Variants in MBTPS2 observed in about 807,000 individuals in gnomAD.
The protein encoded by MBTPS2 is membrane-bound transcription factor site-2 protease.
MBTPS2 carries 2 observed loss-of-function variants against 35.4 expected under a neutral mutation model. The ratio of observed to expected loss-of-function variants is 0.06; its 90% CI spans 0.02 to 0.18. The LOEUF (loss-of-function observed/expected upper bound fraction) is 0.18, where lower values mean the gene tolerates loss of function less well. MBTPS2 is among the 10% of genes least tolerant of loss of function. The pLI, the probability that MBTPS2 is intolerant of heterozygous loss-of-function variation, is 1.00. For missense variants in MBTPS2, 244 were observed against 386.5 expected (o/e 0.63, Z 3.09); for synonymous variants, 125 against 140.4 (o/e 0.89, Z 0.77).
intron 10 of MBTPS2, among the ~76,000 whole-genome samples, chrX:21,881,756 C>A (rs1373958753): frequency 9.0e-6 from 1 of 110,602 alleles, no homozygotes; most frequent in Non-Finnish European, 1.9e-5. Context: ...ACCAATATGG[C>A]GAAACCCCAT....
Position 21,843,153 on chromosome X carries a change from TTTTC to T in MBTPS2, c.76-11_76-8del. ...TCTTCAAAATTGAGTGATGTAGAAC[TTTTC>T]TTTCTCTCTTAGTCATCTGTCTATT... On this transcript the variant is annotated splice_polypyrimidine_tract_variant and intron_variant, in intron 1 of 10. Transcript: ENST00000379484. 1 of 1,197,234 alleles carries T rather than the reference TTTTC, an allele frequency of 8.4e-7. No homozygotes were observed. The highest frequency in any genetic ancestry group is 1.1e-6 in the Non-Finnish European group (1 of 881,861).
chrX:21,853,535 C>A, intron 5 of MBTPS2, 32 bp downstream of exon 5: 1 of 1,193,667 alleles, frequency 8.4e-7, no homozygotes, highest in Admixed American at 2.2e-5. Context: ...TAATATTCAT[C>A]TGTGGTTTTG....
intron 5 of MBTPS2, among the ~76,000 whole-genome samples, chrX:21,865,816 A>T (rs773746916): frequency 8.9e-6 from 1 of 112,054 alleles, no homozygotes. Flanking sequence ...ATTATTTGCA[A>T]ACCACACTAA....
At chrX:21,848,192 G>A (rs2092910581) in intron 3 of MBTPS2, among the ~76,000 whole-genome samples, 1 of 112,389 alleles carries the variant, frequency 8.9e-6, no homozygotes, top group African/African-American at 3.2e-5. Context: ...GGCCGAGGTG[G>A]GTGGATCACC....
Position 21,884,047 on chromosome X carries a change from G to C in MBTPS2, c.*1392G>C. ...CTTTACTGAGTGATGTATTCCATGG[G>C]GTTACCTTTTTCAGATTATTGAGTT... On this transcript the variant is annotated 3_prime_UTR_variant, in exon 11 of 11. Coordinates refer to ENST00000379484, the MANE Select transcript of MBTPS2 (RefSeq NM_015884.4). The C allele has an allele frequency of 2.7e-6, 2 of 753,644 alleles. No homozygotes were observed. The highest frequency in any genetic ancestry group is 3.1e-6 in the Non-Finnish European group (2 of 638,890). 62.1% of individuals were successfully genotyped at this position (753,644 alleles called of 1,213,427 possible). A position where few individuals can be genotyped will look rare whatever the true frequency, so the allele number is the denominator to read the frequency against.
chrX:21,871,832 A>G (rs1216237236), intron 7 of MBTPS2: 1 of 109,405 alleles, frequency 9.1e-6, no homozygotes, highest in East Asian at 2.8e-4. Context: ...ATGTCTTCCA[A>G]TTTTCTATAA....
chrX:21,876,564 CA>C (rs781386053), intron 7 of MBTPS2, among the ~76,000 whole-genome samples: 2,338 of 79,019 alleles, frequency 0.03, 59 homozygotes, highest in African/African-American at 0.095. Context: ...GACTCTGTCT[CA>C]AAAAAAAAAA....
intron 5 of MBTPS2, chrX:21,856,298 TCGCGCCTTTCTCTGC>T: frequency 2.7e-6 from 1 of 369,336 alleles, no homozygotes; most frequent in East Asian, 4.7e-5. Flanking sequence ...TCTCTGCAGC[TCGCGCCTTTCTCTGC>T]AGCTCGCGCC....
intron 7 of MBTPS2, chrX:21,872,011 G>A (rs1197258488): frequency 9.1e-6 from 1 of 110,239 alleles, no homozygotes; most frequent in Non-Finnish European, 1.9e-5. Flanking sequence ...TTGTTCAGTG[G>A]AGCAATCTGA....
At chrX:21,862,791 A>G (rs2092933101) in intron 5 of MBTPS2, among the ~76,000 whole-genome samples, 1 of 102,536 alleles carries the variant, frequency 9.8e-6, no homozygotes, top group Non-Finnish European at 2.0e-5. Context: ...AGCCTGGGCG[A>G]CAGAACGAGA....
rs764958100 is a variant in MBTPS2 at position 21,869,512 on chromosome X, T to C, written c.804T>C (p.Ile268=). The change falls in exon 7 of 11, where the codon ATT becomes ATC. Residue 268 remains isoleucine (I), a synonymous_variant. Transcript: ENST00000379484. ...CTCTTCCCAAGGACTCTCCTGCCAT[T>C]GGACCCAGAGGCCTTTTTGTGGGAG... The part of the protein sequence containing the change: ...ITEVAEDSPA[I]GPRGLFVGDL... The C allele has an allele frequency of 1.7e-6, 2 of 1,210,795 alleles. No homozygotes were observed. The highest frequency in any genetic ancestry group is 2.2e-6 in the Non-Finnish European group (2 of 894,426).
intron 3 of MBTPS2, among the ~76,000 whole-genome samples, chrX:21,851,169 C>T (rs1474389377): frequency 3.6e-5 from 4 of 111,496 alleles, no homozygotes; most frequent in Non-Finnish European, 7.5e-5. Context: ...GCTTCACTGT[C>T]ATCCTGCATT....
At chrX:21,869,899 T>C (rs1242505143) in intron 7 of MBTPS2, 3 of 376,753 alleles carry the variant, frequency 8.0e-6, no homozygotes, top group African/African-American at 7.6e-5. Context: ...TTTCATTATA[T>C]CATATTTAAC....
intron 7 of MBTPS2, among the ~76,000 whole-genome samples, chrX:21,873,999 G>GTATATATATA (rs778982740): frequency 6.4e-5 from 4 of 62,880 alleles, no homozygotes; most frequent in Admixed American, 2.5e-4. Context: ...GTGTGTGTGT[G>GTATATATATA]TGTATATATA....
intron 3 of MBTPS2, among the ~76,000 whole-genome samples, chrX:21,848,548 C>T (rs1468499976): frequency 9.2e-6 from 1 of 109,286 alleles, no homozygotes; most frequent in African/African-American, 3.3e-5. Context: ...GGCGTGGTGG[C>T]GGACGCATGT....
chrX:21,851,918 A>G (rs780507164), intron 4 of MBTPS2, among the ~76,000 whole-genome samples: 3 of 111,755 alleles, frequency 2.7e-5, no homozygotes, highest in Non-Finnish European at 5.6e-5. Context: ...CTAAAAGCCA[A>G]TCTTTCTGTT....
Position 21,885,297 on chromosome X carries a change from G to T in MBTPS2, c.*2642G>T. The T allele has an allele frequency of 5.3e-6, 4 of 751,772 alleles. No individual in the cohort carries two copies. Among genetic ancestry groups the T allele is most frequent in the Non-Finnish European group, 6.3e-6 (4 of 637,475 alleles). The allele number at this position is 751,772 out of a possible 1,213,427, so 62.0% of individuals were successfully genotyped here. On this transcript the variant is annotated 3_prime_UTR_variant, in exon 11 of 11. Transcript: ENST00000379484. The stretch of plus-strand genomic sequence containing the variant: ...GTTCACATACTAATGGTGCACAGGT[G>T]TTTTTTTCTATAAATCTTCTGACTG...
At chrX:21,871,874 T>C (rs994317788) in intron 7 of MBTPS2, 5 of 110,685 alleles carry the variant, frequency 4.5e-5, no homozygotes, top group Non-Finnish European at 7.6e-5. Flanking sequence ...GTTGATTAGA[T>C]TCAGAATCCT....
At chrX:21,857,927 C>T (rs932755528) in intron 5 of MBTPS2, 1 of 182,932 alleles carries the variant, frequency 5.5e-6, no homozygotes, top group African/African-American at 3.0e-5. Flanking sequence ...TGGGACTTTT[C>T]ACATTCTTAG....
Sources: gnomAD v4.1 joint callset for allele counts (sites outside exome capture counted in the v4.1 genomes callset) on GRCh38, gnomAD v4.1.1 for gene constraint, MANE v1.5 for transcripts, NCBI Gene and HGNC (gene_info 2026-07-23, HGNC 2026-07-21) for gene names.